Variants in GFOD2 observed in about 807,000 individuals in gnomAD.
GFOD2 encodes Gfo/Idh/MocA-like oxidoreductase domain containing 2, also known as glucose-fructose oxidoreductase domain-containing protein 2.
In GFOD2, 9 loss-of-function variants were observed where a neutral mutation model predicts 24.6. The ratio of observed to expected loss-of-function variants is 0.37; its 90% CI spans 0.22 to 0.64. GFOD2 has a LOEUF of 0.64. GFOD2 is among the 30% of genes least tolerant of loss of function. The pLI, the probability that GFOD2 is intolerant of heterozygous loss-of-function variation, is 0.65. For missense variants in GFOD2, 476 were observed against 532.5 expected, an observed-to-expected ratio of 0.89 and a Z score of 1.04; for synonymous variants, 211 against 224.8, an observed-to-expected ratio of 0.94 and a Z score of 0.55.
At position 67,674,868 on chromosome 16, in the gene GFOD2, G is replaced by C; in HGVS notation, c.*287C>G. On this transcript the variant is annotated 3_prime_UTR_variant, in exon 3 of 3. Transcript: ENST00000268797. ...GCGGATCAGGCTGAAGGGCTCCCCA[G>C]GGTGAGCCTTTCCTGGTCCGACTCA... 2.4e-6 allele frequency: 1 copy of C among 425,332 alleles called. No individual in the cohort carries two copies. Among genetic ancestry groups the C allele is most frequent in the Non-Finnish European group, 4.2e-6 (1 of 235,750 alleles). The allele number at this position is 425,332 out of a possible 1,614,324, so 26.3% of individuals were successfully genotyped here. A position where few individuals can be genotyped will look rare whatever the true frequency, so the allele number is the denominator to read the frequency against.
chr16:67,693,928 A>C (rs1441160235), intron 1 of GFOD2, among the ~76,000 whole-genome samples: 1 of 151,990 alleles, frequency 6.6e-6, no homozygotes, highest in Non-Finnish European at 1.5e-5. Flanking sequence ...TCTGTCTCAA[A>C]AACAAAAAAC....
chr16:67,684,930 A>C, intron 2 of GFOD2: 1 of 997,830 alleles, frequency 1.0e-6, no homozygotes, highest in East Asian at 1.0e-4. Context: ...CTGTCGACGG[A>C]TCCTGTCAGG....
chr16:67,687,594 T>C (rs1034939138), intron 1 of GFOD2, among the ~76,000 whole-genome samples: 9 of 130,524 alleles, frequency 6.9e-5, no homozygotes, highest in African/African-American at 2.4e-4. Context: ...TGAGGTGAGA[T>C]CGCGCCAATG....
intron 1 of GFOD2, among the ~76,000 whole-genome samples, chr16:67,699,721 C>T (rs574386871): frequency 2.6e-5 from 4 of 151,850 alleles, no homozygotes; most frequent in African/African-American, 7.2e-5. Context: ...TGGCCTCAAG[C>T]GATCCACCAG....
intron 2 of GFOD2, chr16:67,681,519 C>T: frequency 6.3e-6 from 4 of 635,858 alleles, no homozygotes; most frequent in Non-Finnish European, 7.8e-6. Flanking sequence ...AGCTAACCTC[C>T]CACCTCAGCC....
rs928027881 is a variant in GFOD2, at chr16:67,682,308, T to A, written c.259+3149A>T. On this transcript the variant is annotated intron_variant, in intron 2 of 2. Transcript: ENST00000268797. Reference sequence around the variant, plus strand: ...GCCTCGGCCTCCCAAAGTGCTGGGATTACATGCATGAGCCACCAAGCCTGG... The same window carrying A: ...GCCTCGGCCTCCCAAAGTGCTGGGAATACATGCATGAGCCACCAAGCCTGG... 12 of 975,728 alleles carry A rather than the reference T, an allele frequency of 1.2e-5. No homozygotes were observed. In the African/African-American group the frequency reaches 2.1e-4, roughly 17 times the overall value. 60.4% of individuals were successfully genotyped at this position (975,728 alleles called of 1,614,324 possible). A position where few individuals can be genotyped will look rare whatever the true frequency, so the allele number is the denominator to read the frequency against.
chr16:67,679,760 G>A lies in GFOD2; in HGVS notation c.260-3707C>T, dbSNP rs971600215. The stretch of plus-strand genomic sequence containing the variant: ...GAATTAGCTGGGCGGGGTGGCAGGC[G>A]CCTGTAATCCCAGCTACTCAGGAGG... On this transcript the variant is annotated intron_variant, in intron 2 of 2. Coordinates refer to ENST00000268797, the MANE Select transcript of GFOD2 (RefSeq NM_030819.4). Among the ~76,000 whole-genome samples, 18 of 151,890 alleles carry A rather than the reference G, an allele frequency of 1.2e-4. 1 individual carries two copies. Among genetic ancestry groups the A allele is most frequent in the African/African-American group, 2.9e-4 (12 of 41,476 alleles).
At chr16:67,713,493 G>A (rs1335394943) in intron 1 of GFOD2, among the ~76,000 whole-genome samples, 1 of 152,140 alleles carries the variant, frequency 6.6e-6, no homozygotes. Context: ...GCCATCAAAA[G>A]CCCCAGGTTG....
In GFOD2 at chr16:67,711,885, C is replaced by T. The variant is rs116850787; in HGVS notation, c.-88+7278G>A. ...AGAACCTCTATTGTGCAGACATCCACGTGGCTTTCTCTCTCTCTCTCACGT... is the reference window on the plus strand; with the variant it reads ...AGAACCTCTATTGTGCAGACATCCATGTGGCTTTCTCTCTCTCTCTCACGT... On this transcript the variant is annotated intron_variant, in intron 1 of 2. Coordinates refer to ENST00000268797, the MANE Select transcript of GFOD2 (RefSeq NM_030819.4). Among the ~76,000 whole-genome samples, 39 of 152,290 alleles carry T rather than the reference C, an allele frequency of 2.6e-4. No individual in the cohort carries two copies. In the East Asian group the frequency reaches 7.5e-3, roughly 29 times the overall value.
At chr16:67,702,461 G>A (rs977049475) in intron 1 of GFOD2, among the ~76,000 whole-genome samples, 1 of 151,152 alleles carries the variant, frequency 6.6e-6, no homozygotes, top group Non-Finnish European at 1.5e-5. Flanking sequence ...GCAACAGAGT[G>A]ACTCTGTCTT....
intron 1 of GFOD2, among the ~76,000 whole-genome samples, chr16:67,690,525 G>T (rs1007715317): frequency 6.6e-6 from 1 of 151,928 alleles, no homozygotes; most frequent in African/African-American, 2.4e-5. Context: ...GGGATTACAG[G>T]CATGAGCCAC....
chr16:67,697,441 C>G (rs144056723), intron 1 of GFOD2, among the ~76,000 whole-genome samples: 21 of 152,226 alleles, frequency 1.4e-4, no homozygotes, highest in Non-Finnish European at 2.6e-4. Context: ...TAATTCTGAG[C>G]TAATATGAAG....
At chr16:67,683,836 T>C in intron 2 of GFOD2, 1 of 1,215,392 alleles carries the variant, frequency 8.2e-7, no homozygotes, top group Non-Finnish European at 1.0e-6. Flanking sequence ...CCTAGAGATC[T>C]TCGGCTGCAT....
In GFOD2 at chr16:67,675,894, T is replaced by C; in HGVS notation, c.419A>G (p.His140Arg). ...FVRMKQLISE[H>R]YVGAVMICDA... ...ACAGATCATCACCGCTCCCACATAG[T>C]GTTCCGAAATCAGCTGTTTCATGCG... The change falls in exon 3 of 3, where the codon CAC becomes CGC. Residue 140 changes from histidine to arginine, a missense_variant. Coordinates refer to ENST00000268797, the MANE Select transcript of GFOD2 (RefSeq NM_030819.4). 1.9e-6 allele frequency: 3 copies of C among 1,614,126 alleles called. No individual in the cohort carries two copies. Among genetic ancestry groups the C allele is most frequent in the Non-Finnish European group, 1.7e-6 (2 of 1,180,018 alleles).
At chr16:67,707,058 CAAA>C (rs34823143) in intron 1 of GFOD2, among the ~76,000 whole-genome samples, 4 of 102,856 alleles carry the variant, frequency 3.9e-5, no homozygotes, top group Non-Finnish European at 3.9e-5. Context: ...GACTCCATCT[CAAA>C]AAAAAAAAAA....
At chr16:67,695,534 G>GT (rs775681594) in intron 1 of GFOD2, among the ~76,000 whole-genome samples, 7,317 of 132,464 alleles carry the variant, frequency 0.055, 538 homozygotes, top group African/African-American at 0.16. Flanking sequence ...TTCTACTTAA[G>GT]TTTTTTTTTT....
chr16:67,686,604 C>T (rs952397574), intron 1 of GFOD2, among the ~76,000 whole-genome samples: 12 of 150,972 alleles, frequency 7.9e-5, no homozygotes, highest in Admixed American at 7.3e-4. Context: ...CCAAGGCGGG[C>T]GGATCACCTG....
chr16:67,687,395 C>T (rs538265915), intron 1 of GFOD2, among the ~76,000 whole-genome samples: 3 of 151,544 alleles, frequency 2.0e-5, no homozygotes, highest in African/African-American at 4.8e-5. Flanking sequence ...AATCCCAGCA[C>T]TTTGGGAGGC....
At chr16:67,712,311 C>T (rs899609003) in intron 1 of GFOD2, among the ~76,000 whole-genome samples, 6 of 129,418 alleles carry the variant, frequency 4.6e-5, no homozygotes, top group African/African-American at 1.7e-4. Context: ...CTCCCTCTCC[C>T]TCCACGGTCT....
Sources: allele counts gnomAD v4.1 joint callset (sites outside exome capture counted in the v4.1 genomes callset), GRCh38; gene constraint gnomAD v4.1.1; transcripts MANE v1.5; gene names NCBI Gene and HGNC (gene_info 2026-07-23, HGNC 2026-07-21).